Variants in TM4SF20 observed in about 807,000 individuals in gnomAD.
TM4SF20 encodes the protein transmembrane 4 L6 family member 20.
TM4SF20 carries 13 observed loss-of-function variants against 15.1 expected under a neutral mutation model. That is an observed-to-expected ratio of 0.86 (90% confidence interval 0.56 to 1.36). The LOEUF (loss-of-function observed/expected upper bound fraction) is 1.36, where lower values mean the gene tolerates loss of function less well. TM4SF20 is among the 40% of genes most tolerant of loss of function. The pLI, the probability that TM4SF20 is intolerant of heterozygous loss-of-function variation, is 0.00. For missense variants in TM4SF20, 282 were observed against 268.4 expected (o/e 1.05, Z -0.35); for synonymous variants, 92 against 96.6 (o/e 0.95, Z 0.28).
At chr2:227,379,022 C>T (rs2076464756) in intron 1 of TM4SF20, 64 bp downstream of exon 1, 1 of 1,535,238 alleles carries the variant, frequency 6.5e-7, no homozygotes, top group Non-Finnish European at 8.9e-7. Flanking sequence ...TGGAAGACAG[C>T]TTTTAGGATT....
At chr2:227,365,149 G>A (rs1193244728) in intron 3 of TM4SF20, among the ~76,000 whole-genome samples, 4 of 152,322 alleles carry the variant, frequency 2.6e-5, no homozygotes, top group South Asian at 2.1e-4. Context: ...GACCTCAAGC[G>A]ATCCACCTGC....
chr2:227,363,423 A>C lies in TM4SF20; in HGVS notation c.*301T>G. ...TTTTTGAGACCCTGTCTCAAAAAAAAAAAAAAAAAGTCCTGTACTTTTATT... is the reference window on the plus strand; with the variant it reads ...TTTTTGAGACCCTGTCTCAAAAAAACAAAAAAAAAGTCCTGTACTTTTATT... On this transcript the variant is annotated 3_prime_UTR_variant, in exon 4 of 4. Coordinates refer to ENST00000304568, the MANE Select transcript of TM4SF20 (RefSeq NM_024795.4). The C allele has an allele frequency of 4.4e-6, 1 of 227,356 alleles. No individual in the cohort carries two copies. The allele number at this position is 227,356 out of a possible 1,614,324, so 14.1% of individuals were successfully genotyped here.
intron 1 of TM4SF20, among the ~76,000 whole-genome samples, chr2:227,376,996 CCTT>C (rs2076454352): frequency 6.6e-6 from 1 of 152,200 alleles, no homozygotes; most frequent in African/African-American, 2.4e-5. Context: ...GCACTTATGT[CCTT>C]CTGTCTGTCT....
At chr2:227,379,331 T>G, upstream of TM4SF20, 1 of 1,433,920 alleles carries the variant, frequency 7.0e-7, no homozygotes, top group Non-Finnish European at 9.5e-7. Flanking sequence ...ATGTTGCCTT[T>G]TATCCCAATC....
intron 2 of TM4SF20, among the ~76,000 whole-genome samples, chr2:227,367,844 T>C (rs947180016): frequency 1.3e-5 from 2 of 152,094 alleles, no homozygotes; most frequent in African/African-American, 4.8e-5. Flanking sequence ...GGACAAAACT[T>C]GTCAGGCTCT....
chr2:227,376,363 T>C (rs966804555), intron 1 of TM4SF20, among the ~76,000 whole-genome samples: 13 of 143,930 alleles, frequency 9.0e-5, no homozygotes, highest in African/African-American at 3.2e-4. Flanking sequence ...AAAGGACATA[T>C]TAATAAATTC....
intron 1 of TM4SF20, among the ~76,000 whole-genome samples, chr2:227,377,697 ATTATCC>A (rs2076457803): frequency 6.6e-6 from 1 of 152,178 alleles, no homozygotes; most frequent in Admixed American, 6.6e-5. Flanking sequence ...GCTGGAGGCC[ATTATCC>A]TTAAACTAAC....
chr2:227,372,265 A>T (rs2076424534), intron 1 of TM4SF20, among the ~76,000 whole-genome samples: 1 of 151,984 alleles, frequency 6.6e-6, no homozygotes, highest in East Asian at 1.9e-4. Flanking sequence ...TATTATTCCC[A>T]TTTTACCAAT....
At chr2:227,373,204 G>A (rs766948476) in intron 1 of TM4SF20, among the ~76,000 whole-genome samples, 5 of 152,138 alleles carry the variant, frequency 3.3e-5, no homozygotes, top group Non-Finnish European at 7.3e-5. Flanking sequence ...CGGGTTTAAA[G>A]TTTATGCCTC....
At chr2:227,365,881 A>T (rs1259479212) in intron 3 of TM4SF20, among the ~76,000 whole-genome samples, 11 of 152,228 alleles carry the variant, frequency 7.2e-5, no homozygotes. Flanking sequence ...GACAATATCT[A>T]AAAGTCCTTT....
chr2:227,379,361 C>T, upstream of TM4SF20: 1 of 1,163,792 alleles, frequency 8.6e-7, no homozygotes, highest in African/African-American at 1.5e-5. Context: ...AAATTTAACG[C>T]TAATAAAAAA....
chr2:227,376,458 A>G (rs1397908922), intron 1 of TM4SF20, among the ~76,000 whole-genome samples: 1 of 152,152 alleles, frequency 6.6e-6, no homozygotes. Flanking sequence ...TTTACCACCC[A>G]CCTGTTTGCT....
intron 2 of TM4SF20, among the ~76,000 whole-genome samples, chr2:227,368,177 C>A (rs1484294911): frequency 7.3e-5 from 11 of 150,120 alleles, no homozygotes; most frequent in Non-Finnish European, 1.5e-4. Flanking sequence ...GCACCCGCCA[C>A]CACGCCCGGC....
chr2:227,372,916 T>G (rs1232408933), intron 1 of TM4SF20, among the ~76,000 whole-genome samples: 3 of 152,086 alleles, frequency 2.0e-5, no homozygotes, highest in Admixed American at 2.0e-4. Context: ...GACGGGGATT[T>G]TGCCATGTTG....
intron 1 of TM4SF20, among the ~76,000 whole-genome samples, chr2:227,378,267 T>C (rs1463658146): frequency 2.0e-5 from 3 of 152,194 alleles, no homozygotes; most frequent in Non-Finnish European, 4.4e-5. Context: ...CAGTGGTATA[T>C]GGGAGGCAGA....
In TM4SF20 at chr2:227,366,255, A is replaced by G; in HGVS notation, c.250-11T>C. ...TGATGAAAGAAACATCTGAAAAATA[A>G]AATAGAGCCATTTGCACATGTTATG... On this transcript the variant is annotated splice_polypyrimidine_tract_variant and intron_variant, in intron 2 of 3. Transcript: ENST00000304568. 1 of 1,609,176 alleles carries G rather than the reference A, an allele frequency of 6.2e-7. No individual in the cohort carries two copies. The highest frequency in any genetic ancestry group is 8.5e-7 in the Non-Finnish European group (1 of 1,178,320).
At chr2:227,371,918 G>T (rs1279224378) in intron 1 of TM4SF20, among the ~76,000 whole-genome samples, 2 of 152,146 alleles carry the variant, frequency 1.3e-5, no homozygotes, top group Non-Finnish European at 2.9e-5. Context: ...GGAAATACAC[G>T]TTGCCAAGGA....
At chr2:227,371,238 T>C (rs1032932615) in intron 1 of TM4SF20, among the ~76,000 whole-genome samples, 5 of 152,292 alleles carry the variant, frequency 3.3e-5, no homozygotes, top group Admixed American at 2.6e-4. Context: ...TCACTCTGAG[T>C]CATCTGCAGA....
In TM4SF20 at chr2:227,363,643, C is replaced by T. The variant is rs1028056119; in HGVS notation, c.*81G>A. ...TACGTGAAGGGTTGATTTTTTAAAT[C>T]ATCTCAAAGATGACTTTGAAAACAA... On this transcript the variant is annotated 3_prime_UTR_variant, in exon 4 of 4. Transcript: ENST00000304568. 7.1e-7 allele frequency: 1 copy of T among 1,409,334 alleles called. No individual in the cohort carries two copies. The highest frequency in any genetic ancestry group is 9.6e-7 in the Non-Finnish European group (1 of 1,041,676). The allele number at this position is 1,409,334 out of a possible 1,614,324, so 87.3% of individuals were successfully genotyped here.
Sources: allele counts gnomAD v4.1 joint callset (sites outside exome capture counted in the v4.1 genomes callset), GRCh38; gene constraint gnomAD v4.1.1; transcripts MANE v1.5; gene names NCBI Gene and HGNC (gene_info 2026-07-23, HGNC 2026-07-21).